Variants in TNIK observed in about 807,000 individuals in gnomAD.
The protein encoded by TNIK is TRAF2 and NCK-interacting protein kinase.
In TNIK, 49 loss-of-function variants were observed where a neutral mutation model predicts 191.3. The ratio of observed to expected loss-of-function variants is 0.26; its 90% confidence interval spans 0.20 to 0.32. The LOEUF (loss-of-function observed/expected upper bound fraction) is 0.32, where lower values mean the gene tolerates loss of function less well. Ranked by LOEUF, TNIK falls within the 10% of genes least tolerant of loss-of-function variation. TNIK has a pLI of 1.00. For missense variants in TNIK, 1,155 were observed against 1,702.3 expected, an observed-to-expected ratio of 0.68 and a Z score of 5.66; for synonymous variants, 594 against 600.9, an observed-to-expected ratio of 0.99 and a Z score of 0.17.
At chr3:171,140,874 T>A (rs1730726201) in intron 12 of TNIK, among the ~76,000 whole-genome samples, 1 of 152,204 alleles carries the variant, frequency 6.6e-6, no homozygotes, top group Non-Finnish European at 1.5e-5. Context: ...TACTTCACAA[T>A]GCTTAAGTCA....
chr3:171,304,013 G>A lies in TNIK; in HGVS notation c.123+65607C>T, dbSNP rs375873347. 8.6e-5 allele frequency among the ~76,000 whole-genome samples: 13 copies of A among 151,308 alleles called. No individual in the cohort carries two copies. In the East Asian group the frequency reaches 1.9e-3, roughly 23 times the overall value. On this transcript the variant is annotated intron_variant, in intron 2 of 32. Transcript: ENST00000436636. ...CTTCCACTGAAGAAGGCCCGGGGGA[G>A]GAAGGGTGACCTGAGTTGAACCATG...
At position 171,071,345 on chromosome 3, in the gene TNIK, T is replaced by C. The variant is rs752767614; in HGVS notation, c.3449-22A>G. The C allele has an allele frequency of 2.3e-5, 35 of 1,491,348 alleles. 1 individual carries two copies. In the East Asian group the frequency reaches 7.5e-4, roughly 32 times the overall value. 92.4% of individuals were successfully genotyped at this position (1,491,348 alleles called of 1,614,324 possible). A position where few individuals can be genotyped will look rare whatever the true frequency, so the allele number is the denominator to read the frequency against. On this transcript the variant is annotated intron_variant, in intron 28 of 32. Coordinates refer to ENST00000436636, the MANE Select transcript of TNIK (RefSeq NM_015028.4). ...TTAACTGTAATAGAAAAATTATGAG[T>C]GAAAAAGTACATCAATTTACTCAAG...
chr3:171,080,546 C>T (rs1720540220), intron 27 of TNIK, among the ~76,000 whole-genome samples: 2 of 151,956 alleles, frequency 1.3e-5, no homozygotes, highest in African/African-American at 4.8e-5. Context: ...AAGCGATTCT[C>T]CTGCCTCAGC....
At chr3:171,324,951 A>G (rs1050418906) in intron 2 of TNIK, among the ~76,000 whole-genome samples, 3 of 151,962 alleles carry the variant, frequency 2.0e-5, no homozygotes, top group Non-Finnish European at 4.4e-5. Context: ...AATACAAACA[A>G]TTAGCTGGGT....
chr3:171,100,809 A>G (rs140448813), intron 22 of TNIK, among the ~76,000 whole-genome samples: 47 of 152,072 alleles, frequency 3.1e-4, no homozygotes, highest in African/African-American at 1.1e-3. Flanking sequence ...ATATAAATAT[A>G]CATGTAAATA....
intron 28 of TNIK, among the ~76,000 whole-genome samples, chr3:171,077,491 C>A (rs899245707): frequency 6.6e-6 from 1 of 152,128 alleles, no homozygotes; most frequent in African/African-American, 2.4e-5. Context: ...CATTTGGAGA[C>A]CAGACTAGAA....
At chr3:171,386,212 A>G (rs1252257782) in intron 1 of TNIK, among the ~76,000 whole-genome samples, 1 of 152,220 alleles carries the variant, frequency 6.6e-6, no homozygotes, top group African/African-American at 2.4e-5. Flanking sequence ...CTTGTGAAAT[A>G]AATAAATAAC....
At position 171,422,555 on chromosome 3, in the gene TNIK, A is replaced by AT. The variant is rs578191100; in HGVS notation, c.57+37451dup. Among the ~76,000 whole-genome samples the AT allele has an allele frequency of 6.6e-5, 10 of 152,278 alleles. No homozygotes were observed. The South Asian group carries it at 1.0e-3, about 16-fold the overall frequency. ...AATGCCTTTTTTGTTTTGTTAATGT[A>AT]TTTTTTAAATATTATCAAAATGGAA... On this transcript the variant is annotated intron_variant, in intron 1 of 32. Coordinates refer to ENST00000436636, the MANE Select transcript of TNIK (RefSeq NM_015028.4).
intron 26 of TNIK, 122 bp from the exon 27 acceptor site, chr3:171,082,516 A>T: frequency 1.9e-6 from 2 of 1,036,278 alleles, no homozygotes; most frequent in South Asian, 3.8e-5. Flanking sequence ...CAAGTAGGTA[A>T]ATATAAACTA....
chr3:171,335,126 A>G (rs2108379914), intron 2 of TNIK, among the ~76,000 whole-genome samples: 1 of 152,250 alleles, frequency 6.6e-6, no homozygotes, highest in African/African-American at 2.4e-5. Flanking sequence ...TCTGGAACTA[A>G]AAGTGATCAG....
At chr3:171,435,527 C>T (rs1186801925) in intron 1 of TNIK, among the ~76,000 whole-genome samples, 1 of 152,166 alleles carries the variant, frequency 6.6e-6, no homozygotes, top group Non-Finnish European at 1.5e-5. Context: ...GACATATTAT[C>T]AAGTTAAGAA....
In TNIK at chr3:171,154,316, T is replaced by C. The variant is rs1440028561; in HGVS notation, c.1221+3144A>G. Among the ~76,000 whole-genome samples the C allele has an allele frequency of 2.0e-5, 3 of 151,340 alleles. No homozygotes were observed. The East Asian group carries it at 5.8e-4, about 29-fold the overall frequency. On this transcript the variant is annotated intron_variant, in intron 12 of 32. Coordinates refer to ENST00000436636, the MANE Select transcript of TNIK (RefSeq NM_015028.4). ...CCAAAGTGTATATTTTTTGGCCAGA[T>C]AGAACTGGTTATTTTTATAACTGGA...
intron 2 of TNIK, among the ~76,000 whole-genome samples, chr3:171,231,467 G>A (rs1743635104): frequency 6.6e-6 from 1 of 151,996 alleles, no homozygotes; most frequent in Admixed American, 6.6e-5. Context: ...ATACACCTTG[G>A]GATGGCAGTT....
intron 10 of TNIK, among the ~76,000 whole-genome samples, chr3:171,163,466 T>G (rs555154907): frequency 6.6e-6 from 1 of 152,300 alleles, no homozygotes; most frequent in African/African-American, 2.4e-5. Flanking sequence ...ATTAAAGAGA[T>G]AATGAAGGAA....
At chr3:171,259,131 A>T (rs1446409444) in intron 2 of TNIK, among the ~76,000 whole-genome samples, 1 of 152,154 alleles carries the variant, frequency 6.6e-6, no homozygotes, top group African/African-American at 2.4e-5. Flanking sequence ...CGAGAGAGAG[A>T]GAGTGTATGT....
chr3:171,421,984 C>T (rs2108632879), intron 1 of TNIK, among the ~76,000 whole-genome samples: 1 of 152,104 alleles, frequency 6.6e-6, no homozygotes, highest in South Asian at 2.1e-4. Flanking sequence ...CCCGCCTTGG[C>T]CTCCCAAATT....
At chr3:171,321,042 G>T (rs1229297152) in intron 2 of TNIK, among the ~76,000 whole-genome samples, 1 of 152,106 alleles carries the variant, frequency 6.6e-6, no homozygotes, top group South Asian at 2.1e-4. Context: ...TCTGTAACTA[G>T]GATAACTCCA....
intron 21 of TNIK, chr3:171,106,769 C>G (rs987959619): frequency 1.9e-6 from 1 of 533,962 alleles, no homozygotes; most frequent in African/African-American, 1.9e-5. Context: ...CTACTAACTC[C>G]TTGTTCACAA....
At chr3:171,345,468 A>T (rs1410056838) in intron 2 of TNIK, among the ~76,000 whole-genome samples, 1 of 152,034 alleles carries the variant, frequency 6.6e-6, no homozygotes, top group Non-Finnish European at 1.5e-5. Flanking sequence ...CCACATGACA[A>T]CATAGGTGTT....
Sources: allele counts gnomAD v4.1 joint callset (sites outside exome capture counted in the v4.1 genomes callset), GRCh38; gene constraint gnomAD v4.1.1; transcripts MANE v1.5; gene names NCBI Gene and HGNC (gene_info 2026-07-23, HGNC 2026-07-21).